Variants in SORCS1 observed in about 807,000 individuals in gnomAD.
SORCS1 encodes the protein sortilin related VPS10 domain containing receptor 1, also known as VPS10 domain-containing receptor SorCS1.
SORCS1 carries 60 observed loss-of-function variants against 146.1 expected under a neutral mutation model. The observed-to-expected ratio is 0.41, with a 90% CI of 0.33 to 0.51. The LOEUF (loss-of-function observed/expected upper bound fraction) is 0.51, where lower values mean the gene tolerates loss of function less well. SORCS1 is among the 20% of genes least tolerant of loss of function. The probability of loss-of-function intolerance (pLI) is 0.21; values close to 1 mark genes in which losing one functional copy is unlikely to be tolerated. For missense variants in SORCS1, 1,352 were observed against 1,487.6 expected (o/e 0.91, Z 1.50); for synonymous variants, 637 against 584.0 (o/e 1.09, Z -1.31).
chr10:106,597,427 C>T lies in SORCS1; in HGVS notation c.3189G>A (p.Thr1063=), dbSNP rs762368328. ...LEQISELLIH[T]LNQNSVHFEL... is the part of the protein sequence containing the mutation. Reference sequence around the variant, plus strand: ...CGAAGTGTACTGAGTTTTGGTTGAGCGTGTGGATCAGCAATTCTGATATCT... The same window carrying T: ...CGAAGTGTACTGAGTTTTGGTTGAGTGTGTGGATCAGCAATTCTGATATCT... The change falls in exon 24 of 26, where the codon ACG becomes ACA. Residue 1063 remains threonine (T), a synonymous_variant. Transcript: ENST00000263054. 5.2e-5 allele frequency: 84 copies of T among 1,613,562 alleles called. 2 individuals carry two copies. The highest frequency in any genetic ancestry group is 4.1e-4 in the South Asian group (37 of 91,054).
At chr10:106,652,788 T>C (rs1849974251) in intron 17 of SORCS1, among the ~76,000 whole-genome samples, 1 of 152,180 alleles carries the variant, frequency 6.6e-6, no homozygotes, top group Non-Finnish European at 1.5e-5. Context: ...ATCTATTAAA[T>C]TAATGAATCA....
intron 3 of SORCS1, among the ~76,000 whole-genome samples, chr10:106,793,929 C>T (rs1399354982): frequency 6.6e-6 from 1 of 152,182 alleles, no homozygotes; most frequent in African/African-American, 2.4e-5. Context: ...GCACATGTGC[C>T]TTTTCAATGT....
At chr10:106,832,546 CA>C (rs1948597541) in intron 2 of SORCS1, among the ~76,000 whole-genome samples, 2 of 152,038 alleles carry the variant, frequency 1.3e-5, no homozygotes, top group Admixed American at 6.6e-5. Context: ...CCTCCTGAGT[CA>C]ACATTCTCTT....
chr10:106,710,773 C>T (rs1312846694), intron 6 of SORCS1, among the ~76,000 whole-genome samples: 3 of 152,164 alleles, frequency 2.0e-5, no homozygotes, highest in Admixed American at 6.5e-5. Flanking sequence ...TCTCACCATG[C>T]TAATCTCTTC....
chr10:107,168,524 T>C (rs1189195827), upstream of SORCS1, among the ~76,000 whole-genome samples: 2 of 152,148 alleles, frequency 1.3e-5, no homozygotes, highest in African/African-American at 2.4e-5. Context: ...AATTAAGTGC[T>C]CAATAAATAA....
At chr10:107,034,446 G>A (rs951938481) in intron 1 of SORCS1, among the ~76,000 whole-genome samples, 7 of 151,924 alleles carry the variant, frequency 4.6e-5, no homozygotes, top group East Asian at 1.9e-4. Flanking sequence ...TTGGGAGACC[G>A]AGGCGGGCAG....
intron 24 of SORCS1, among the ~76,000 whole-genome samples, chr10:106,596,089 A>G (rs1845888168): frequency 6.6e-6 from 1 of 152,192 alleles, no homozygotes; most frequent in African/African-American, 2.4e-5. Flanking sequence ...AGGATTCCAT[A>G]GTGAGTAACA....
intron 1 of SORCS1, among the ~76,000 whole-genome samples, chr10:106,979,188 A>G (rs145287338): frequency 2.8e-4 from 43 of 152,338 alleles, no homozygotes; most frequent in African/African-American, 7.5e-4. Context: ...AGAATGAACA[A>G]TATCTTTTTA....
At chr10:106,828,239 A>G (rs1487405739) in intron 3 of SORCS1, among the ~76,000 whole-genome samples, 1 of 152,196 alleles carries the variant, frequency 6.6e-6, no homozygotes, top group Non-Finnish European at 1.5e-5. Context: ...TCTATGCTCA[A>G]CTGAAAAGTT....
At chr10:107,014,880 A>G (rs1329951223) in intron 1 of SORCS1, among the ~76,000 whole-genome samples, 2 of 152,166 alleles carry the variant, frequency 1.3e-5, no homozygotes, top group Non-Finnish European at 2.9e-5. Context: ...TTCTCCCTCT[A>G]AGGATGCTGA....
At chr10:106,889,712 A>G (rs989124486) in intron 2 of SORCS1, among the ~76,000 whole-genome samples, 2 of 152,052 alleles carry the variant, frequency 1.3e-5, no homozygotes, top group East Asian at 3.9e-4. Flanking sequence ...ATCCTTGCTA[A>G]CACGGTAAAA....
chr10:106,648,123 A>G (rs889346141), intron 18 of SORCS1, among the ~76,000 whole-genome samples: 5 of 152,120 alleles, frequency 3.3e-5, no homozygotes, highest in African/African-American at 1.2e-4. Flanking sequence ...TGGCCTCCCA[A>G]AATGTTGGGA....
intron 2 of SORCS1, among the ~76,000 whole-genome samples, chr10:106,919,093 T>C (rs1218559433): frequency 6.6e-6 from 1 of 152,176 alleles, no homozygotes; most frequent in Non-Finnish European, 1.5e-5. Flanking sequence ...AACCTTGGCC[T>C]CCCATAGTGA....
chr10:107,155,390 C>T (rs947564131), intron 1 of SORCS1, among the ~76,000 whole-genome samples: 10 of 152,074 alleles, frequency 6.6e-5, no homozygotes, highest in African/African-American at 2.4e-4. Flanking sequence ...AATATAGATG[C>T]CTGGTCCCTT....
chr10:107,006,001 G>A (rs955856677), intron 1 of SORCS1, among the ~76,000 whole-genome samples: 1 of 152,142 alleles, frequency 6.6e-6, no homozygotes, highest in Non-Finnish European at 1.5e-5. Flanking sequence ...TCTTTAGGCT[G>A]TATTTTGACC....
At chr10:106,845,904 G>A (rs1484125679) in intron 2 of SORCS1, among the ~76,000 whole-genome samples, 2 of 114,752 alleles carry the variant, frequency 1.7e-5, no homozygotes, top group African/African-American at 2.7e-5. Context: ...GGTATGTGGC[G>A]TTATTTCTGA....
intron 3 of SORCS1, among the ~76,000 whole-genome samples, chr10:106,801,059 C>T (rs567678928): frequency 3.9e-4 from 59 of 152,284 alleles, no homozygotes; most frequent in Admixed American, 1.8e-3. Context: ...TTCACTATCT[C>T]TAGGGCCTCT....
intron 2 of SORCS1, among the ~76,000 whole-genome samples, chr10:106,942,250 G>A (rs1954080469): frequency 6.6e-6 from 1 of 152,086 alleles, no homozygotes; most frequent in Non-Finnish European, 1.5e-5. Flanking sequence ...TCTTAAATAT[G>A]AATGGATCGA....
chr10:106,578,778 T>C lies in SORCS1; in HGVS notation c.3371+591A>G. The C allele has an allele frequency of 4.3e-6, 5 of 1,169,470 alleles. No homozygotes were observed. In the South Asian group the frequency reaches 6.6e-5, roughly 15 times the overall value. The allele number at this position is 1,169,470 out of a possible 1,614,324, so 72.4% of individuals were successfully genotyped here. On this transcript the variant is annotated intron_variant, in intron 25 of 25. Coordinates refer to ENST00000263054, the MANE Select transcript of SORCS1 (RefSeq NM_052918.5). ...GCCTCTGAGGCCTCTCCTTCTTATA[T>C]ACTATTAAAGCAAATGCTTTGCTCT...
Sources: allele counts gnomAD v4.1 joint callset (sites outside exome capture counted in the v4.1 genomes callset), GRCh38; gene constraint gnomAD v4.1.1; transcripts MANE v1.5; gene names NCBI Gene and HGNC (gene_info 2026-07-23, HGNC 2026-07-21).